Variants in PSD3 observed in about 807,000 individuals in gnomAD.
The protein encoded by PSD3 is pleckstrin and Sec7 domain containing 3, also known as PH and SEC7 domain-containing protein 3.
In PSD3, 49 loss-of-function variants were observed where a neutral mutation model predicts 105.5. That is an observed-to-expected ratio of 0.46 (90% CI 0.37 to 0.59). The LOEUF is 0.59. Ranked by LOEUF, PSD3 falls within the 20% of genes least tolerant of loss-of-function variation. PSD3 has a pLI of 0.00. For synonymous variants in PSD3, 557 were observed against 457.8 expected, an observed-to-expected ratio of 1.22 and a Z score of -2.77; for missense variants, 1,561 against 1,263.8, an observed-to-expected ratio of 1.24 and a Z score of -3.57.
At chr8:18,866,655 A>G (rs932659129) in intron 4 of PSD3, among the ~76,000 whole-genome samples, 4 of 152,206 alleles carry the variant, frequency 2.6e-5, no homozygotes, top group Non-Finnish European at 4.4e-5. Context: ...TGTCACAAGG[A>G]GCCAATCCTG....
intron 1 of PSD3, among the ~76,000 whole-genome samples, chr8:19,011,305 A>G (rs1235889494): frequency 1.3e-5 from 2 of 152,202 alleles, no homozygotes; most frequent in African/African-American, 4.8e-5. Context: ...TTTATGAATA[A>G]TGCATGACAA....
chr8:18,530,903 T>C lies in PSD3; in HGVS notation c.*4840A>G, dbSNP rs1799607450. 6.6e-6 allele frequency: 1 copy of C among 152,230 alleles called. No homozygotes were observed. Among genetic ancestry groups the C allele is most frequent in the Non-Finnish European group, 1.5e-5 (1 of 68,046 alleles). The allele number at this position is 152,230 out of a possible 1,614,324, so 9.4% of individuals were successfully genotyped here. On this transcript the variant is annotated 3_prime_UTR_variant, in exon 16 of 16. Coordinates refer to ENST00000327040, the MANE Select transcript of PSD3 (RefSeq NM_015310.4). The stretch of plus-strand genomic sequence containing the variant: ...TAAGTTTAATAAAACAATACCACTA[T>C]ATATACTCTCAACAACTTCATTATA...
At chr8:18,857,001 A>C (rs1381966923) in intron 4 of PSD3, among the ~76,000 whole-genome samples, 1 of 152,202 alleles carries the variant, frequency 6.6e-6, no homozygotes, top group Non-Finnish European at 1.5e-5. Context: ...CTTCGCCACC[A>C]ACCATACGTT....
At chr8:18,690,556 G>T (rs1016035090) in intron 9 of PSD3, among the ~76,000 whole-genome samples, 1 of 152,104 alleles carries the variant, frequency 6.6e-6, no homozygotes, top group Non-Finnish European at 1.5e-5. Context: ...CCCAGGACAG[G>T]ATTCTTATCC....
intron 9 of PSD3, among the ~76,000 whole-genome samples, chr8:18,707,894 G>A (rs1228320717): frequency 6.6e-6 from 1 of 152,218 alleles, no homozygotes; most frequent in African/African-American, 2.4e-5. Context: ...AATGACTGCA[G>A]TATGTGGCCA....
intron 9 of PSD3, among the ~76,000 whole-genome samples, chr8:18,699,196 T>G (rs1407163296): frequency 6.6e-6 from 1 of 152,170 alleles, no homozygotes; most frequent in African/African-American, 2.4e-5. Context: ...GGCCAAGCTT[T>G]TTAAGAGCCA....
chr8:19,028,299 CT>C (rs397689140), intron 1 of PSD3, among the ~76,000 whole-genome samples: 10,326 of 96,244 alleles, frequency 0.11, 394 homozygotes, highest in Non-Finnish European at 0.14. Flanking sequence ...CCGGCCCACC[CT>C]TTTTTTTTTT....
intron 4 of PSD3, among the ~76,000 whole-genome samples, chr8:18,858,222 T>C (rs139043244): frequency 3.6e-4 from 55 of 152,316 alleles, no homozygotes; most frequent in African/African-American, 1.2e-3. Flanking sequence ...CTATAAGAGT[T>C]AGGTTTACGC....
Position 18,799,389 on chromosome 8 carries a change from G to A in PSD3, c.2024-36C>T, listed in dbSNP as rs768620560. On this transcript the variant is annotated intron_variant, in intron 7 of 15. Coordinates refer to ENST00000327040, the MANE Select transcript of PSD3 (RefSeq NM_015310.4). ...ATACAAGAAAAAAAAGCATGAATTC[G>A]CTTTTCACTGTTGGACTCCACCTTA... 15 of 1,509,862 alleles carry A rather than the reference G, an allele frequency of 9.9e-6. No homozygotes were observed. In the East Asian group the frequency reaches 1.6e-4, roughly 16 times the overall value. 93.5% of individuals were successfully genotyped at this position (1,509,862 alleles called of 1,614,324 possible).
intron 9 of PSD3, among the ~76,000 whole-genome samples, chr8:18,699,549 T>G (rs753551957): frequency 6.6e-6 from 1 of 152,286 alleles, no homozygotes; most frequent in South Asian, 2.1e-4. Flanking sequence ...TTGAATGAGT[T>G]TGACTAACCT....
At position 18,922,908 on chromosome 8, in the gene PSD3, G is replaced by A. The variant is rs148172198; in HGVS notation, c.130+13126C>T. Among the ~76,000 whole-genome samples, 102 of 152,270 alleles carry A rather than the reference G, an allele frequency of 6.7e-4. No individual in the cohort carries two copies. In the East Asian group the frequency reaches 0.011, roughly 16 times the overall value. On this transcript the variant is annotated intron_variant, in intron 2 of 15. Transcript: ENST00000327040. ...CCATGCCCTCTCTGGACACACCGCC[G>A]TCCTGGAACCTCCATGTGTTCGTCT...
intron 2 of PSD3, among the ~76,000 whole-genome samples, chr8:18,913,923 C>T (rs940546830): frequency 6.6e-6 from 1 of 152,156 alleles, no homozygotes; most frequent in Admixed American, 6.5e-5. Flanking sequence ...CCAGGCTGGC[C>T]CCTGCAGATC....
intron 1 of PSD3, 23 bp downstream of exon 1, chr8:19,013,540 C>G (rs1406529575): frequency 1.3e-6 from 2 of 1,572,926 alleles, no homozygotes; most frequent in African/African-American, 2.8e-5. Flanking sequence ...ACCCCGCGCC[C>G]GCGCCCCGGC....
intron 10 of PSD3, among the ~76,000 whole-genome samples, chr8:18,634,675 AAT>A (rs1417401464): frequency 6.6e-6 from 1 of 152,088 alleles, no homozygotes; most frequent in African/African-American, 2.4e-5. Context: ...TATCTTGTAG[AAT>A]ATCCTCAGTT....
intron 9 of PSD3, among the ~76,000 whole-genome samples, chr8:18,702,672 G>C (rs1296398358): frequency 1.3e-5 from 2 of 151,932 alleles, no homozygotes; most frequent in South Asian, 2.1e-4. Flanking sequence ...GAGTGCAGTG[G>C]TGTGATCTCG....
At chr8:18,552,627 T>C (rs1227672192) in intron 15 of PSD3, among the ~76,000 whole-genome samples, 1 of 152,200 alleles carries the variant, frequency 6.6e-6, no homozygotes, top group Admixed American at 6.5e-5. Context: ...CAGGGATCAA[T>C]TAAATATTTT....
chr8:18,831,623 G>A (rs1056480923), intron 4 of PSD3, among the ~76,000 whole-genome samples: 6 of 152,208 alleles, frequency 3.9e-5, no homozygotes, highest in African/African-American at 1.4e-4. Context: ...TCAGGAGGCT[G>A]AGGAAGGAGA....
chr8:18,665,997 G>C (rs1443758925), intron 9 of PSD3, among the ~76,000 whole-genome samples: 1 of 152,164 alleles, frequency 6.6e-6, no homozygotes, highest in Non-Finnish European at 1.5e-5. Context: ...TAAGCAAAAC[G>C]ATGACAACTT....
chr8:18,536,526 C>G (rs1011996734), intron 15 of PSD3, among the ~76,000 whole-genome samples: 2 of 152,202 alleles, frequency 1.3e-5, no homozygotes, highest in African/African-American at 2.4e-5. Context: ...GGGTTTCCCT[C>G]CGTTGCTTTT....
Sources: allele counts gnomAD v4.1 joint callset (sites outside exome capture counted in the v4.1 genomes callset), GRCh38; gene constraint gnomAD v4.1.1; transcripts MANE v1.5; gene names NCBI Gene and HGNC (gene_info 2026-07-23, HGNC 2026-07-21).